WDPCP: variants seen among roughly 807,000 people sequenced by gnomAD.
WDPCP encodes WD repeat-containing and planar cell polarity effector protein fritz homolog.
WDPCP carries 71 observed loss-of-function variants against 93.1 expected under a neutral mutation model. The observed-to-expected ratio is 0.76, with a 90% CI of 0.63 to 0.93. The LOEUF (loss-of-function observed/expected upper bound fraction) is 0.93, where lower values mean the gene tolerates loss of function less well. Ranked by LOEUF, WDPCP falls within the 40% of genes least tolerant of loss-of-function variation. WDPCP has a pLI of 0.00. For synonymous variants in WDPCP, 315 were observed against 315.0 expected (o/e 1.00, Z 0.00); for missense variants, 844 against 887.4 (o/e 0.95, Z 0.62).
chr2:63,588,916 C>A, upstream of WDPCP: 1 of 1,292,344 alleles, frequency 7.7e-7, no homozygotes, highest in Non-Finnish European at 1.1e-6. Flanking sequence ...CAGAGAGCGC[C>A]GCGTCGGGAG....
Position 63,705,690 on chromosome 2 carries a change from A to G in WDPCP, n.309-54852T>C, listed in dbSNP as rs925957782. ...TTTTTTATAATTTCTGTTCTTTTATATTTGCTGAGGAGTGCTTTACTTCCA... is the reference window on the plus strand; with the variant it reads ...TTTTTTATAATTTCTGTTCTTTTATGTTTGCTGAGGAGTGCTTTACTTCCA... On this transcript the variant is annotated intron_variant and non_coding_transcript_variant, in intron 2 of 4. Coordinates refer to the WDPCP transcript ENST00000467687. Among the ~76,000 whole-genome samples the G allele has an allele frequency of 2.6e-5, 4 of 151,396 alleles. No homozygotes were observed. In the East Asian group the frequency reaches 7.7e-4, roughly 29 times the overall value.
chr2:63,121,988 T>A lies in WDPCP; in HGVS notation c.*18A>T. The A allele has an allele frequency of 1.2e-6, 2 of 1,613,020 alleles. No homozygotes were observed. Among genetic ancestry groups the A allele is most frequent in the Non-Finnish European group, 1.7e-6 (2 of 1,179,652 alleles). On this transcript the variant is annotated 3_prime_UTR_variant, in exon 18 of 18. Coordinates refer to ENST00000272321, the MANE Select transcript of WDPCP (RefSeq NM_015910.7). Reference sequence around the variant, plus strand: ...AAGTTTAGATATGAAGAAGGCAGTTTTCTTTTTTTCTTAATGTTTACACCA... The same window carrying A: ...AAGTTTAGATATGAAGAAGGCAGTTATCTTTTTTTCTTAATGTTTACACCA...
chr2:63,385,852 C>T (rs1047776368), intron 10 of WDPCP, among the ~76,000 whole-genome samples: 1 of 151,864 alleles, frequency 6.6e-6, no homozygotes, highest in Non-Finnish European at 1.5e-5. Flanking sequence ...TCAAGACTTA[C>T]TGTAAAGCCA....
At chr2:63,558,193 G>GT (rs549296340) in intron 1 of WDPCP, among the ~76,000 whole-genome samples, 194 of 152,170 alleles carry the variant, frequency 1.3e-3, no homozygotes, top group South Asian at 7.0e-3. Context: ...CCAGTAGCTG[G>GT]TTTTTTGAAA....
At chr2:63,600,195 C>T (rs1369001965) in intron 3 of WDPCP, 4 of 152,224 alleles carry the variant, frequency 2.6e-5, no homozygotes, top group African/African-American at 9.6e-5. Context: ...AATCCTTCAG[C>T]TCTGGAATGC....
At chr2:63,349,542 A>C (rs1424110312) in intron 12 of WDPCP, among the ~76,000 whole-genome samples, 4 of 152,150 alleles carry the variant, frequency 2.6e-5, no homozygotes, top group Non-Finnish European at 5.9e-5. Flanking sequence ...ACATCATACA[A>C]AAATTAAAGG....
rs562446321 is a variant in WDPCP, at chr2:63,696,554, C to T, written n.309-45716G>A. Among the ~76,000 whole-genome samples the T allele has an allele frequency of 3.9e-5, 6 of 152,264 alleles. No individual in the cohort carries two copies. In the East Asian group the frequency reaches 1.2e-3, roughly 29 times the overall value. On this transcript the variant is annotated intron_variant and non_coding_transcript_variant, in intron 2 of 4. Coordinates refer to the WDPCP transcript ENST00000467687. ...AATAGAGCTCCAAGAGAAGGCAGAG[C>T]AGGACCTTCACCTCCACCAGCCTGG...
chr2:63,301,289 C>A (rs913737529), intron 13 of WDPCP, among the ~76,000 whole-genome samples: 1 of 152,162 alleles, frequency 6.6e-6, no homozygotes, highest in Non-Finnish European at 1.5e-5. Context: ...ACTGTCCCAT[C>A]AGCAGGAAAA....
intron 13 of WDPCP, among the ~76,000 whole-genome samples, chr2:63,263,536 C>T (rs886770240): frequency 3.9e-5 from 6 of 152,122 alleles, no homozygotes; most frequent in Non-Finnish European, 8.8e-5. Flanking sequence ...GCACCATGCT[C>T]TCAGACTTCC....
intron 3 of WDPCP, chr2:63,599,146 T>C (rs1709374001): frequency 1.9e-6 from 3 of 1,611,648 alleles, no homozygotes; most frequent in East Asian, 4.5e-5. Flanking sequence ...TCTGTAACTC[T>C]TCAGTGCCTT....
At chr2:63,161,319 A>G (rs1171612729) in intron 15 of WDPCP, among the ~76,000 whole-genome samples, 1 of 152,202 alleles carries the variant, frequency 6.6e-6, no homozygotes, top group Admixed American at 6.5e-5. Context: ...CATATTCCTT[A>G]TGTGCTTTTC....
intron 9 of WDPCP, among the ~76,000 whole-genome samples, chr2:63,408,850 GACCTGGGAATGTC>G (rs923705646): frequency 2.0e-5 from 3 of 151,974 alleles, no homozygotes; most frequent in African/African-American, 7.3e-5. Context: ...CAAATCCAGT[GACCTGGGAATGTC>G]ACCCCCATCC....
chr2:63,622,698 G>T (rs756719068), intron 3 of WDPCP: 3 of 1,613,760 alleles, frequency 1.9e-6, no homozygotes, highest in East Asian at 2.2e-5. Context: ...CTGGTCAGGG[G>T]TCACCTCCCG....
intron 12 of WDPCP, among the ~76,000 whole-genome samples, chr2:63,364,473 A>G (rs1690738662): frequency 6.6e-6 from 1 of 152,090 alleles, no homozygotes; most frequent in African/African-American, 2.4e-5. Flanking sequence ...TTTCATGTGC[A>G]TTCACTGTGA....
intron 2 of WDPCP, among the ~76,000 whole-genome samples, chr2:63,716,732 A>G (rs2103771295): frequency 6.6e-6 from 1 of 152,368 alleles, no homozygotes; most frequent in East Asian, 1.9e-4. Flanking sequence ...ATTGGAAAAT[A>G]AAAACTGGCC....
upstream of WDPCP, among the ~76,000 whole-genome samples, chr2:63,831,668 G>T (rs1362730465): frequency 6.6e-6 from 1 of 151,294 alleles, no homozygotes; most frequent in Non-Finnish European, 1.5e-5. Context: ...AACACTGCAT[G>T]GAATATTTGT....
intron 14 of WDPCP, among the ~76,000 whole-genome samples, chr2:63,206,204 G>A (rs1676323306): frequency 6.6e-6 from 1 of 152,076 alleles, no homozygotes; most frequent in South Asian, 2.1e-4. Context: ...TCTTTTTAAT[G>A]TATTGTTCAA....
chr2:63,676,742 G>A (rs1392883723), intron 2 of WDPCP, among the ~76,000 whole-genome samples: 1 of 151,910 alleles, frequency 6.6e-6, no homozygotes, highest in African/African-American at 2.4e-5. Flanking sequence ...CTCATTTGTG[G>A]TGCTTTTTAG....
chr2:63,149,930 G>A (rs1290382630), intron 17 of WDPCP, among the ~76,000 whole-genome samples: 1 of 152,124 alleles, frequency 6.6e-6, no homozygotes, highest in Non-Finnish European at 1.5e-5. Context: ...ATGCCCAGGA[G>A]TTTGAGGTTA....
Sources: gnomAD v4.1 joint callset for allele counts (sites outside exome capture counted in the v4.1 genomes callset) on GRCh38, gnomAD v4.1.1 for gene constraint, MANE v1.5 for transcripts, NCBI Gene and HGNC (gene_info 2026-07-23, HGNC 2026-07-21) for gene names.